Variants in GALNS observed in about 807,000 individuals in gnomAD.
The protein encoded by GALNS is galactosamine (N-acetyl)-6-sulfatase, also known as N-acetylgalactosamine-6-sulfatase.
GALNS carries 65 observed loss-of-function variants against 65.9 expected under a neutral mutation model. The observed-to-expected ratio is 0.99, with a 90% CI of 0.81 to 1.21. GALNS has a LOEUF of 1.21. Among genes scored for constraint, GALNS ranks in the 50% most tolerant of loss-of-function variants. GALNS has a pLI of 0.00. For missense variants in GALNS, 776 were observed against 700.7 expected, an observed-to-expected ratio of 1.11 and a Z score of -1.21; for synonymous variants, 346 against 288.9, an observed-to-expected ratio of 1.20 and a Z score of -2.00.
chr16:88,814,264 C>T lies in GALNS; in HGVS notation c.*175G>A. The T allele has an allele frequency of 1.2e-6, 1 of 861,718 alleles. No homozygotes were observed. Among genetic ancestry groups the T allele is most frequent in the Non-Finnish European group, 1.9e-6 (1 of 537,572 alleles). The allele number at this position is 861,718 out of a possible 1,614,324, so 53.4% of individuals were successfully genotyped here. A position where few individuals can be genotyped will look rare whatever the true frequency, so the allele number is the denominator to read the frequency against. On this transcript the variant is annotated 3_prime_UTR_variant, in exon 14 of 14. Transcript: ENST00000268695. ...GCCGTGGGCGAGGAGGAGGGCCAAGCACACGCCAGGGTCAGGTCCTGGGCA... is the reference window on the plus strand; with the variant it reads ...GCCGTGGGCGAGGAGGAGGGCCAAGTACACGCCAGGGTCAGGTCCTGGGCA...
intron 1 of GALNS, chr16:88,855,953 C>A: frequency 1.7e-6 from 1 of 579,144 alleles, no homozygotes; most frequent in Non-Finnish European, 3.1e-6. Flanking sequence ...AGGTGTAACC[C>A]CCCAGGTGTG....
chr16:88,816,526 GC>G (rs1567511437), intron 13 of GALNS: 4 of 943,962 alleles, frequency 4.2e-6, no homozygotes, highest in Non-Finnish European at 4.9e-6. Context: ...CCCGCCCCCC[GC>G]CCCCCAACTA....
Position 88,842,811 on chromosome 16 carries a change from C to A in GALNS, c.139G>T (p.Gly47Trp). ...LMDDMGWGDLGVYGEPSRETP... is the reference protein window; with the variant it reads ...LMDDMGWGDLWVYGEPSRETP... ...TCTCTGGAGGGCTCTCCATACACCC[C>A]GAGGTCACCCCATCCCATCTGCAGG... Residue 47 changes from glycine (G) to tryptophan (W), a missense_variant, in exon 2 of 14, where the codon GGG becomes TGG. Gly to Trp is a radical substitution (Grantham distance 184). Coordinates refer to ENST00000268695, the MANE Select transcript of GALNS (RefSeq NM_000512.5). The A allele has an allele frequency of 6.2e-7, 1 of 1,613,400 alleles. No individual in the cohort carries two copies. The highest frequency in any genetic ancestry group is 8.5e-7 in the Non-Finnish European group (1 of 1,179,978).
intron 1 of GALNS, among the ~76,000 whole-genome samples, chr16:88,847,565 C>A (rs993788662): frequency 1.3e-5 from 2 of 152,158 alleles, no homozygotes; most frequent in African/African-American, 4.8e-5. Flanking sequence ...AAAGTTTCCA[C>A]CATTTCAAAT....
intron 10 of GALNS, among the ~76,000 whole-genome samples, chr16:88,826,085 G>A (rs1014284638): frequency 1.4e-4 from 22 of 152,144 alleles, no homozygotes; most frequent in Admixed American, 4.6e-4. Context: ...GAAGGAAGAA[G>A]GAAGCTACAG....
chr16:88,830,454 G>A (rs1454824100), intron 9 of GALNS, among the ~76,000 whole-genome samples: 7 of 151,712 alleles, frequency 4.6e-5, no homozygotes, highest in Non-Finnish European at 7.4e-5. Context: ...TCTGGCTGTC[G>A]TCATGTGTGA....
intron 1 of GALNS, among the ~76,000 whole-genome samples, chr16:88,853,235 G>A (rs978858700): frequency 8.2e-6 from 1 of 121,256 alleles, no homozygotes; most frequent in Non-Finnish European, 1.6e-5. Flanking sequence ...TGGGTGACCA[G>A]AGTGAGACTC....
intron 12 of GALNS, among the ~76,000 whole-genome samples, chr16:88,819,196 C>T (rs996766322): frequency 4.6e-5 from 7 of 151,802 alleles, no homozygotes; most frequent in Non-Finnish European, 1.0e-4. Context: ...TCCCCACCCC[C>T]GGCCACCTGC....
At chr16:88,816,679 C>T (rs928079972) in intron 13 of GALNS, 16 of 985,328 alleles carry the variant, frequency 1.6e-5, no homozygotes, top group Admixed American at 1.2e-4. Flanking sequence ...TTACATCCGC[C>T]GGCCCACGCT....
At chr16:88,847,202 C>T (rs1031458763) in intron 1 of GALNS, among the ~76,000 whole-genome samples, 4 of 152,000 alleles carry the variant, frequency 2.6e-5, no homozygotes, top group African/African-American at 9.7e-5. Context: ...GAGACCCCAT[C>T]TCTATAAAAA....
chr16:88,845,499 A>G (rs1293325083), intron 1 of GALNS: 1 of 152,206 alleles, frequency 6.6e-6, no homozygotes, highest in Non-Finnish European at 1.5e-5. Context: ...CTGTAATCCT[A>G]GTACTTTGGG....
chr16:88,835,047 C>G (rs1201386464), intron 8 of GALNS, among the ~76,000 whole-genome samples, 166 bp downstream of exon 8: 1 of 152,148 alleles, frequency 6.6e-6, no homozygotes, highest in Non-Finnish European at 1.5e-5. Context: ...AGTCCTGGGC[C>G]AGAAGGGCCT....
intron 1 of GALNS, chr16:88,856,358 G>T (rs1165456251): frequency 1.4e-6 from 1 of 702,048 alleles, no homozygotes; most frequent in East Asian, 2.7e-5. Flanking sequence ...CTCCCTTTGG[G>T]GAGGCCACGC....
chr16:88,841,828 G>A lies in GALNS; in HGVS notation c.319+69C>T, dbSNP rs1393006985. 8.6e-6 allele frequency: 12 copies of A among 1,399,454 alleles called. No homozygotes were observed. The Middle Eastern group carries it at 1.3e-3, about 151-fold the overall frequency. The allele number at this position is 1,399,454 out of a possible 1,614,324, so 86.7% of individuals were successfully genotyped here. A position where few individuals can be genotyped will look rare whatever the true frequency, so the allele number is the denominator to read the frequency against. On this transcript the variant is annotated intron_variant, in intron 3 of 13. Coordinates refer to ENST00000268695, the MANE Select transcript of GALNS (RefSeq NM_000512.5). ...TGCCACCCGAGTCCCGGAGACACGG[G>A]CACCACCCGTAGCCCACCTGCCCAA...
chr16:88,829,715 A>G (rs1911287642), intron 9 of GALNS, among the ~76,000 whole-genome samples: 3 of 152,354 alleles, frequency 2.0e-5, no homozygotes, highest in Admixed American at 2.0e-4. Context: ...GGGGACCCTG[A>G]CAGACGACTT....
At position 88,832,040 on chromosome 16, in the gene GALNS, C is replaced by G; in HGVS notation, c.960G>C (p.Glu320Asp). ...KQTTFEGGMR[E>D]PALAWWPGHV... ...GCCCTGGCCACCATGCGAGGGCAGG[C>G]TCCCTCATCCCTCCTTCAAACGTGG... Residue 320 changes from glutamate (E) to aspartate (D), a missense_variant, in exon 9 of 14, where the codon GAG becomes GAC. Transcript: ENST00000268695. The G allele has an allele frequency of 1.2e-6, 2 of 1,613,884 alleles. No individual in the cohort carries two copies. The highest frequency in any genetic ancestry group is 2.2e-5 in the South Asian group (2 of 91,082).
At chr16:88,838,845 T>G (rs1912415996) in intron 4 of GALNS, 3 of 152,296 alleles carry the variant, frequency 2.0e-5, no homozygotes, top group Admixed American at 2.0e-4. Context: ...GACGCAGATT[T>G]CCCCGAGGCA....
chr16:88,856,180 G>C (rs1044531576), intron 1 of GALNS: 27 of 702,992 alleles, frequency 3.8e-5, no homozygotes, highest in African/African-American at 3.7e-4. Context: ...CAGCCTTTCA[G>C]TTCTTCAGAC....
intron 1 of GALNS, among the ~76,000 whole-genome samples, chr16:88,854,475 C>T (rs1046924606): frequency 1.3e-5 from 2 of 152,312 alleles, no homozygotes; most frequent in South Asian, 4.2e-4. Flanking sequence ...GGAACCCCCT[C>T]TCTGCTGGGT....
Sources: allele counts gnomAD v4.1 joint callset (sites outside exome capture counted in the v4.1 genomes callset), GRCh38; gene constraint gnomAD v4.1.1; transcripts MANE v1.5; gene names NCBI Gene and HGNC (gene_info 2026-07-23, HGNC 2026-07-21).